Variants in RAP1GAP2 observed in about 807,000 individuals in gnomAD.
The protein encoded by RAP1GAP2 is RAP1 GTPase activating protein 2.
In RAP1GAP2, 27 loss-of-function variants were observed where a neutral mutation model predicts 95.0. That is an observed-to-expected ratio of 0.28 (90% CI 0.21 to 0.39). The LOEUF is 0.39. RAP1GAP2 is among the 10% of genes least tolerant of loss of function. The probability of loss-of-function intolerance (pLI) is 1.00; values close to 1 mark genes in which losing one functional copy is unlikely to be tolerated. For synonymous variants in RAP1GAP2, 373 were observed against 380.9 expected, an observed-to-expected ratio of 0.98 and a Z score of 0.24; for missense variants, 771 against 970.0, an observed-to-expected ratio of 0.79 and a Z score of 2.72.
chr17:2,843,997 G>A (rs971279635), intron 2 of RAP1GAP2, among the ~76,000 whole-genome samples: 4 of 151,888 alleles, frequency 2.6e-5, no homozygotes, highest in Admixed American at 6.6e-5. Context: ...GAAGATGGCC[G>A]GCGCGCTTTT....
intron 3 of RAP1GAP2, among the ~76,000 whole-genome samples, chr17:2,912,087 C>T (rs2042403882): frequency 6.6e-6 from 1 of 152,252 alleles, no homozygotes; most frequent in South Asian, 2.1e-4. Flanking sequence ...CTCCCTTGCT[C>T]CTTGGCACGT....
At chr17:2,770,246 A>C (rs894314175) in intron 1 of RAP1GAP2, 2 of 397,904 alleles carry the variant, frequency 5.0e-6, no homozygotes, top group African/African-American at 4.1e-5. Context: ...CCCCTCAGCA[A>C]TTCTCCGGCA....
chr17:2,835,501 G>A (rs1252961139), intron 2 of RAP1GAP2, among the ~76,000 whole-genome samples: 3 of 152,228 alleles, frequency 2.0e-5, no homozygotes, highest in African/African-American at 4.8e-5. Flanking sequence ...AATTACAGGC[G>A]TGAGCCACCA....
intron 3 of RAP1GAP2, among the ~76,000 whole-genome samples, chr17:2,918,092 C>T (rs901029288): frequency 4.6e-5 from 7 of 151,950 alleles, no homozygotes; most frequent in Non-Finnish European, 1.0e-4. Context: ...ATGTATTAGC[C>T]CTGTCTCCCA....
At chr17:2,865,142 A>C (rs1441648676) in intron 2 of RAP1GAP2, among the ~76,000 whole-genome samples, 1 of 152,016 alleles carries the variant, frequency 6.6e-6, no homozygotes, top group African/African-American at 2.4e-5. Context: ...TCCCACCACC[A>C]ATTATATGGT....
chr17:3,008,587 G>C lies in RAP1GAP2; in HGVS notation c.1494+442G>C, dbSNP rs947829339. On this transcript the variant is annotated intron_variant, in intron 17 of 24. Coordinates refer to ENST00000254695, the MANE Select transcript of RAP1GAP2 (RefSeq NM_015085.5). The surrounding 1 kb of genome is among the most constrained non-coding windows in gnomAD (Gnocchi z 4.2). ...CCACAGTGATTCTTCCTAGCCAGCC[G>C]GCCGAGCATTGGAAGACCTGGCTGG... 6.6e-6 allele frequency among the ~76,000 whole-genome samples: 1 copy of C among 152,152 alleles called. No homozygotes were observed. Among genetic ancestry groups the C allele is most frequent in the African/African-American group, 2.4e-5 (1 of 41,438 alleles).
chr17:2,862,425 C>G (rs868850207), intron 2 of RAP1GAP2, among the ~76,000 whole-genome samples: 1 of 152,068 alleles, frequency 6.6e-6, no homozygotes, highest in Non-Finnish European at 1.5e-5. Context: ...CAGGCCTGTT[C>G]GGTGAAATCA....
intron 2 of RAP1GAP2, among the ~76,000 whole-genome samples, chr17:2,890,613 T>C (rs2073676418): frequency 6.6e-6 from 1 of 151,906 alleles, no homozygotes; most frequent in Non-Finnish European, 1.5e-5. Flanking sequence ...AGCCAACACA[T>C]GGGACCCCTT....
intron 10 of RAP1GAP2, among the ~76,000 whole-genome samples, chr17:2,984,577 G>A (rs868680528): frequency 1.8e-4 from 28 of 152,238 alleles, no homozygotes; most frequent in Middle Eastern, 6.8e-3. Context: ...TGACTTGCTC[G>A]GACTCATGCT....
At chr17:2,885,028 CTTTTTTTT>C (rs891984333) in intron 2 of RAP1GAP2, among the ~76,000 whole-genome samples, 4 of 112,496 alleles carry the variant, frequency 3.6e-5, no homozygotes, top group Admixed American at 9.4e-5. Flanking sequence ...TTATTTCTTT[CTTTTTTTT>C]TTTTTTTTTT....
chr17:2,767,387 AG>A (rs2068297180), intron 1 of RAP1GAP2, among the ~76,000 whole-genome samples: 1 of 139,076 alleles, frequency 7.2e-6, no homozygotes, highest in Non-Finnish European at 1.6e-5. Context: ...AAAAAAAAAA[AG>A]GTTGGAATAG....
chr17:2,981,357 TC>T, intron 10 of RAP1GAP2, 109 bp downstream of exon 10: 1 of 1,018,162 alleles, frequency 9.8e-7, no homozygotes, highest in Non-Finnish European at 1.5e-6. Flanking sequence ...TCGTGGGGTC[TC>T]CATAATAAGC....
intron 14 of RAP1GAP2, among the ~76,000 whole-genome samples, chr17:2,999,317 G>A (rs2046075889): frequency 1.3e-5 from 2 of 152,338 alleles, no homozygotes; most frequent in Admixed American, 6.5e-5. Context: ...GTTGGACTGA[G>A]GCAGGCTTTC....
chr17:2,789,834 T>A (rs996168153), intron 1 of RAP1GAP2, among the ~76,000 whole-genome samples: 2 of 150,528 alleles, frequency 1.3e-5, no homozygotes, highest in African/African-American at 4.9e-5. Flanking sequence ...TTGTGGTATA[T>A]GTCTGGGCCC....
chr17:2,893,716 C>A (rs374099061), intron 2 of RAP1GAP2, among the ~76,000 whole-genome samples: 1 of 152,228 alleles, frequency 6.6e-6, no homozygotes, highest in Non-Finnish European at 1.5e-5. Context: ...GCTGCTCCCC[C>A]CATGGAGGCC....
Position 3,005,233 on chromosome 17 carries a change from C to A in RAP1GAP2, c.1201-136C>A. ...AGGGTCAGGGCCTGTGCTGGCGATGCTCACAGGAGTATTTTGTTTGTGTTC... is the reference window on the plus strand; with the variant it reads ...AGGGTCAGGGCCTGTGCTGGCGATGATCACAGGAGTATTTTGTTTGTGTTC... On this transcript the variant is annotated intron_variant, in intron 14 of 24. Coordinates refer to ENST00000254695, the MANE Select transcript of RAP1GAP2 (RefSeq NM_015085.5). This position sits in a 1 kb window ranked among gnomAD's most constrained non-coding sequence, Gnocchi z 5.2. 1.1e-6 allele frequency: 1 copy of A among 899,782 alleles called. No individual in the cohort carries two copies. Among genetic ancestry groups the A allele is most frequent in the Non-Finnish European group, 1.8e-6 (1 of 540,840 alleles). 55.7% of individuals were successfully genotyped at this position (899,782 alleles called of 1,614,324 possible).
At chr17:2,958,040 G>A (rs1360230667) in intron 4 of RAP1GAP2, among the ~76,000 whole-genome samples, 3 of 152,126 alleles carry the variant, frequency 2.0e-5, no homozygotes, top group Admixed American at 1.3e-4. Flanking sequence ...CAGGGCAGCT[G>A]GGGAGGCCAT....
chr17:2,878,612 G>A (rs1327224759), intron 2 of RAP1GAP2, among the ~76,000 whole-genome samples: 1 of 152,190 alleles, frequency 6.6e-6, no homozygotes, highest in African/African-American at 2.4e-5. Flanking sequence ...TCTCTCGCTG[G>A]TTCCTGCTGG....
intron 1 of RAP1GAP2, among the ~76,000 whole-genome samples, chr17:2,778,548 A>G (rs1338219855): frequency 1.3e-5 from 2 of 152,074 alleles, no homozygotes; most frequent in Non-Finnish European, 2.9e-5. Context: ...CTGTCTGATC[A>G]ACTCTGGCTG....
Sources: allele counts gnomAD v4.1 joint callset (sites outside exome capture counted in the v4.1 genomes callset), GRCh38; gene constraint gnomAD v4.1.1; non-coding constraint Gnocchi (gnomAD v3.1); transcripts MANE v1.5; gene names NCBI Gene and HGNC (gene_info 2026-07-23, HGNC 2026-07-21).